The following MB variants were observed in gnomAD, a reference collection of about 807,000 sequenced individuals.
The protein encoded by MB is myoglobin, also known as nitrite reductase MB.
Under a neutral mutation model 14.5 loss-of-function variants are expected in MB, and 10 were observed. The observed-to-expected ratio is 0.69, with a 90% CI of 0.43 to 1.17. MB has a LOEUF of 1.17. MB is among the 50% of genes most tolerant of loss of function. The pLI is 0.00. For missense variants in MB, 169 were observed against 192.7 expected (o/e 0.88, Z 0.73); for synonymous variants, 89 against 78.6 (o/e 1.13, Z -0.70).
At chr22:35,620,535 G>T (rs1923395867), upstream of MB, among the ~76,000 whole-genome samples, 1 of 152,220 alleles carries the variant, frequency 6.6e-6, no homozygotes, top group Non-Finnish European at 1.5e-5. Flanking sequence ...GACCCTTACT[G>T]CTGGTCACTC....
In MB at chr22:35,613,001, C is replaced by T. The variant is rs566681789; in HGVS notation, c.96-1895G>A. Among the ~76,000 whole-genome samples, 9 of 152,310 alleles carry T rather than the reference C, an allele frequency of 5.9e-5. No individual in the cohort carries two copies. The South Asian group carries it at 1.0e-3, about 18-fold the overall frequency. On this transcript the variant is annotated intron_variant, in intron 1 of 2. Transcript: ENST00000397326. ...TTCCCCCATGTTGGGCATGGTCTGC[C>T]GCCGTGCCCAACATTGCCACCTCGC...
In MB at chr22:35,608,445, GC is replaced by G. The variant is rs1158064310; in HGVS notation, c.319-1003del. On this transcript the variant is annotated intron_variant, in intron 2 of 2. Transcript: ENST00000397326. This position sits in a 1 kb window ranked among gnomAD's most constrained non-coding sequence, Gnocchi z 4.3. ...AGGCTGGGTTTCTCGTTTTCTCAGG[GC>G]CCCAGGGTGCAAGTGACATAAAGCA... Among the ~76,000 whole-genome samples the G allele has an allele frequency of 6.6e-6, 1 of 152,212 alleles. No homozygotes were observed. The highest frequency in any genetic ancestry group is 1.5e-5 in the Non-Finnish European group (1 of 68,044).
chr22:35,620,627 C>A (rs944108342), upstream of MB, among the ~76,000 whole-genome samples: 1 of 152,168 alleles, frequency 6.6e-6, no homozygotes, highest in African/African-American at 2.4e-5. Flanking sequence ...GACCTGGGGC[C>A]CCCTGCCTGG....
In MB at chr22:35,617,297, C is replaced by T; in HGVS notation, c.-40G>A. On this transcript the variant is annotated 5_prime_UTR_variant, in exon 1 of 3. Transcript: ENST00000397326. ...AAGACAAAAAGAGCAAGTATGGGCT[C>T]ACTGGGTGTCCTGGCCCCAACAGCT... is the stretch of plus-strand genomic sequence containing the variant. 2.0e-6 allele frequency: 3 copies of T among 1,529,550 alleles called. No homozygotes were observed. Among genetic ancestry groups the T allele is most frequent in the Non-Finnish European group, 2.7e-6 (3 of 1,103,338 alleles). 94.7% of individuals were successfully genotyped at this position (1,529,550 alleles called of 1,614,324 possible).
intron 1 of MB, among the ~76,000 whole-genome samples, chr22:35,616,405 C>T (rs1038810056): frequency 6.6e-6 from 1 of 152,170 alleles, no homozygotes; most frequent in Non-Finnish European, 1.5e-5. Context: ...ATCATTCAGA[C>T]CTCTCAAACT....
chr22:35,614,831 T>C (rs763647456), intron 1 of MB, among the ~76,000 whole-genome samples: 1 of 152,094 alleles, frequency 6.6e-6, no homozygotes, highest in Non-Finnish European at 1.5e-5. Context: ...CAGGCCCAGT[T>C]CCTCCCTGTA....
At chr22:35,611,797 C>G (rs936783064) in intron 1 of MB, among the ~76,000 whole-genome samples, 3 of 152,182 alleles carry the variant, frequency 2.0e-5, no homozygotes, top group Non-Finnish European at 4.4e-5. Flanking sequence ...CCACCTCCAG[C>G]TTTAGACCTC....
chr22:35,618,265 C>A (rs1329838209), upstream of MB, among the ~76,000 whole-genome samples: 5 of 152,252 alleles, frequency 3.3e-5, no homozygotes, highest in Admixed American at 6.5e-5. Context: ...ACGCCCCTTT[C>A]TTTGCAGTTT....
chr22:35,613,719 G>A (rs1246837802), intron 1 of MB, among the ~76,000 whole-genome samples: 1 of 152,048 alleles, frequency 6.6e-6, no homozygotes, highest in Non-Finnish European at 1.5e-5. Context: ...GGCTGGTCTC[G>A]AACTCCTGGA....
rs562286663 is a variant in MB, at chr22:35,607,536, C to G, written c.319-93G>C. The G allele has an allele frequency of 2.1e-5, 27 of 1,306,404 alleles. No individual in the cohort carries two copies. The East Asian group carries it at 4.5e-4, about 22-fold the overall frequency. The allele number at this position is 1,306,404 out of a possible 1,614,324, so 80.9% of individuals were successfully genotyped here. Reference sequence around the variant, plus strand: ...GTTGTCCTCCTACCTTCTCTTTATTCCAGGACCGTGTATTGAGCACTTGCT... The same window carrying G: ...GTTGTCCTCCTACCTTCTCTTTATTGCAGGACCGTGTATTGAGCACTTGCT... On this transcript the variant is annotated intron_variant, in intron 2 of 2. Transcript: ENST00000397326.
upstream of MB, chr22:35,617,365 C>T: frequency 2.7e-6 from 2 of 746,814 alleles, no homozygotes; most frequent in Non-Finnish European, 4.6e-6. Context: ...TTTATACCTT[C>T]TGGGATGCTT....
At chr22:35,614,694 G>A (rs1293551867) in intron 1 of MB, among the ~76,000 whole-genome samples, 1 of 151,974 alleles carries the variant, frequency 6.6e-6, no homozygotes, top group African/African-American at 2.4e-5. Context: ...AGTATGTGCT[G>A]AATAAATGGT....
chr22:35,621,771 G>T (rs1009268183), upstream of MB, among the ~76,000 whole-genome samples: 1 of 152,188 alleles, frequency 6.6e-6, no homozygotes, highest in Non-Finnish European at 1.5e-5. Flanking sequence ...GAAGGAGCAG[G>T]CTCACCCAAG....
chr22:35,614,816 A>G (rs1922944466), intron 1 of MB, among the ~76,000 whole-genome samples: 1 of 151,860 alleles, frequency 6.6e-6, no homozygotes, highest in Admixed American at 6.6e-5. Context: ...ACCGGTGGAG[A>G]CTCTCAGGCC....
In MB at chr22:35,607,213, A is replaced by C; in HGVS notation, c.*84T>G. 1 of 1,455,516 alleles carries C rather than the reference A, an allele frequency of 6.9e-7. No individual in the cohort carries two copies. The highest frequency in any genetic ancestry group is 9.2e-7 in the Non-Finnish European group (1 of 1,087,424). 90.2% of individuals were successfully genotyped at this position (1,455,516 alleles called of 1,614,324 possible). A position where few individuals can be genotyped will look rare whatever the true frequency, so the allele number is the denominator to read the frequency against. The stretch of plus-strand genomic sequence containing the variant: ...CTAAACAAAGCAGACACTCAGAAGC[A>C]AACTCTATATGGCTACACGAGATCA... On this transcript the variant is annotated 3_prime_UTR_variant, in exon 3 of 3. Coordinates refer to ENST00000397326, the MANE Select transcript of MB (RefSeq NM_005368.3).
In MB at chr22:35,607,301, C is replaced by A; in HGVS notation, c.461G>T (p.Gly154Val). The A allele has an allele frequency of 6.2e-7, 1 of 1,612,160 alleles. No individual in the cohort carries two copies. Among genetic ancestry groups the A allele is most frequent in the African/African-American group, 1.3e-5 (1 of 75,032 alleles). The change falls in exon 3 of 3, where the codon GGC (glycine) becomes GTC (valine). Residue 154 changes from glycine (G) to valine (V), a missense_variant. Gly to Val is a moderately radical substitution (Grantham distance 109). Transcript: ENST00000397326. ...GGGGGTGGGAGCGGCAGGGGCCTAG[C>A]CCTGGAAGCCCAGCTCCTTGTAGTT... ...ASNYKELGFQG is the reference protein window; with the variant it reads ...ASNYKELGFQV
chr22:35,609,553 T>C (rs578251713), intron 2 of MB, among the ~76,000 whole-genome samples: 38 of 152,166 alleles, frequency 2.5e-4, no homozygotes, highest in Middle Eastern at 3.4e-3. Flanking sequence ...CAATGGGTGA[T>C]ATTGTGCCAC....
Position 35,611,115 on chromosome 22 carries a change from A to G in MB, c.96-9T>C. The G allele has an allele frequency of 1.2e-6, 2 of 1,610,536 alleles. No individual in the cohort carries two copies. The highest frequency in any genetic ancestry group is 1.7e-6 in the Non-Finnish European group (2 of 1,177,126). The stretch of plus-strand genomic sequence containing the variant: ...GGTGACCCTTAAAGAGCCTGTGGGC[A>G]CAGGGAAGGCTGGAGTCGGCATGGG... On this transcript the variant is annotated splice_polypyrimidine_tract_variant and intron_variant, in intron 1 of 2. Coordinates refer to ENST00000397326, the MANE Select transcript of MB (RefSeq NM_005368.3).
intron 1 of MB, among the ~76,000 whole-genome samples, chr22:35,613,622 C>T (rs571392411): frequency 4.6e-5 from 7 of 152,178 alleles, no homozygotes; most frequent in South Asian, 4.1e-4. Flanking sequence ...CAGCCTCCCG[C>T]GTAGCTGGGA....
Sources: allele counts gnomAD v4.1 joint callset (sites outside exome capture counted in the v4.1 genomes callset), GRCh38; gene constraint gnomAD v4.1.1; non-coding constraint Gnocchi (gnomAD v3.1); transcripts MANE v1.5; gene names NCBI Gene and HGNC (gene_info 2026-07-23, HGNC 2026-07-21).